The following CNTN6 variants were observed in gnomAD, a reference collection of about 807,000 sequenced individuals.
CNTN6 encodes the protein contactin-6.
CNTN6 carries 137 observed loss-of-function variants against 122.8 expected under a neutral mutation model. The observed-to-expected ratio is 1.12, with a 90% CI of 0.97 to 1.29. CNTN6 has a LOEUF of 1.29. Among genes scored for constraint, CNTN6 ranks in the 50% most tolerant of loss-of-function variants. The probability of loss-of-function intolerance (pLI) is 0.00; values close to 1 mark genes in which losing one functional copy is unlikely to be tolerated. For synonymous variants in CNTN6, 570 were observed against 426.0 expected, an observed-to-expected ratio of 1.34 and a Z score of -4.16; for missense variants, 1,634 against 1,223.4, an observed-to-expected ratio of 1.34 and a Z score of -5.01.
At chr3:1,230,625 T>C (rs1008500648) in intron 4 of CNTN6, among the ~76,000 whole-genome samples, 1 of 152,210 alleles carries the variant, frequency 6.6e-6, no homozygotes, top group Non-Finnish European at 1.5e-5. Context: ...GGACAACAGC[T>C]GTAGGAGGCA....
At chr3:1,268,404 G>A (rs994127321) in intron 4 of CNTN6, among the ~76,000 whole-genome samples, 7 of 152,074 alleles carry the variant, frequency 4.6e-5, no homozygotes, top group African/African-American at 7.2e-5. Flanking sequence ...TCAGGAGATC[G>A]AGACCATCCT....
intron 4 of CNTN6, among the ~76,000 whole-genome samples, chr3:1,268,985 G>T (rs918165474): frequency 3.9e-5 from 6 of 152,014 alleles, no homozygotes; most frequent in African/African-American, 1.4e-4. Context: ...TGTCTCAAAA[G>T]TTATAAAATA....
intron 5 of CNTN6, among the ~76,000 whole-genome samples, chr3:1,278,766 T>A (rs1483002665): frequency 6.6e-6 from 1 of 152,210 alleles, no homozygotes; most frequent in Non-Finnish European, 1.5e-5. Context: ...CCAGGGCTTT[T>A]TAGAGAAACT....
chr3:1,403,499 G>T lies in CNTN6; in HGVS notation c.*81G>T. 1.2e-6 allele frequency: 1 copy of T among 804,340 alleles called. No homozygotes were observed. The highest frequency in any genetic ancestry group is 2.0e-6 in the Non-Finnish European group (1 of 490,264). 49.8% of individuals were successfully genotyped at this position (804,340 alleles called of 1,614,324 possible). ...TGCTCTCCAGCCTCTGACACAAGATGCGTTCTTAATACAGACTTGTTTGCA... is the reference window on the plus strand; with the variant it reads ...TGCTCTCCAGCCTCTGACACAAGATTCGTTCTTAATACAGACTTGTTTGCA... On this transcript the variant is annotated 3_prime_UTR_variant, in exon 23 of 23. Transcript: ENST00000446702.
intron 4 of CNTN6, among the ~76,000 whole-genome samples, chr3:1,261,308 T>A (rs2094842907): frequency 6.6e-6 from 1 of 152,110 alleles, no homozygotes; most frequent in African/African-American, 2.4e-5. Context: ...AGTAGGTAAA[T>A]AGATAGCAAA....
At position 1,391,878 on chromosome 3, in the gene CNTN6, G is replaced by A. The variant is rs373716569; in HGVS notation, c.2704+6081G>A. ...GTGAAGGACCTCTTCAAGGAGAACT[G>A]CAAACCACTGCTCAATGAGATAAAA... On this transcript the variant is annotated intron_variant, in intron 20 of 22. Transcript: ENST00000446702. 1.1e-3 allele frequency among the ~76,000 whole-genome samples: 160 copies of A among 145,756 alleles called. 1 individual carries two copies. Among genetic ancestry groups the A allele is most frequent in the African/African-American group, 3.1e-3 (126 of 40,984 alleles).
chr3:1,149,890 A>C (rs886485596), intron 2 of CNTN6, among the ~76,000 whole-genome samples: 1 of 152,190 alleles, frequency 6.6e-6, no homozygotes, highest in African/African-American at 2.4e-5. Context: ...AAAATGAATT[A>C]TTAGTCTCAG....
chr3:1,330,751 A>G (rs901630547), intron 11 of CNTN6, among the ~76,000 whole-genome samples: 3 of 151,906 alleles, frequency 2.0e-5, no homozygotes, highest in Non-Finnish European at 4.4e-5. Context: ...CAGGATGGGC[A>G]GGTAAAAGGC....
chr3:1,115,214 C>T (rs1015531587), intron 1 of CNTN6, among the ~76,000 whole-genome samples: 1 of 152,022 alleles, frequency 6.6e-6, no homozygotes, highest in African/African-American at 2.4e-5. Flanking sequence ...CAGTAAAAAC[C>T]AGAGTTAGCC....
intron 7 of CNTN6, among the ~76,000 whole-genome samples, chr3:1,316,125 A>C (rs1008347230): frequency 5.3e-5 from 8 of 151,996 alleles, no homozygotes; most frequent in Admixed American, 2.6e-4. Context: ...AGCATGTGAC[A>C]TGAATTATCT....
chr3:1,244,677 CT>C (rs1241419187), intron 4 of CNTN6, among the ~76,000 whole-genome samples: 1 of 152,112 alleles, frequency 6.6e-6, no homozygotes, highest in Non-Finnish European at 1.5e-5. Context: ...AGCAATAAAG[CT>C]GTTTATTTCA....
chr3:1,203,776 T>G (rs539794514), intron 2 of CNTN6, among the ~76,000 whole-genome samples: 1 of 152,336 alleles, frequency 6.6e-6, no homozygotes. Flanking sequence ...TTCTCATCAG[T>G]TATTTGCAGT....
At chr3:1,178,088 G>T (rs1575132982) in intron 2 of CNTN6, among the ~76,000 whole-genome samples, 1 of 151,506 alleles carries the variant, frequency 6.6e-6, no homozygotes, top group Non-Finnish European at 1.5e-5. Flanking sequence ...TTTAGTAGAG[G>T]CAGGGTTTCA....
chr3:1,311,897 C>A (rs983376629), intron 7 of CNTN6, among the ~76,000 whole-genome samples: 5 of 151,880 alleles, frequency 3.3e-5, no homozygotes, highest in Non-Finnish European at 7.4e-5. Context: ...ATATTTATAG[C>A]CAATCTCCTA....
At position 1,403,395 on chromosome 3, in the gene CNTN6, T is replaced by G; in HGVS notation, c.3064T>G (p.Phe1022Val). 3 of 1,609,996 alleles carry G rather than the reference T, an allele frequency of 1.9e-6. No individual in the cohort carries two copies. Among genetic ancestry groups the G allele is most frequent in the Non-Finnish European group, 2.5e-6 (3 of 1,177,250 alleles). ...LSIVIVIFHC[F>V]AIQPLI Reference sequence around the variant, plus strand: ...CATTGTCATTGTGATTTTTCACTGTTTTGCTATTCAGCCACTTATCTGATG... The same window carrying G: ...CATTGTCATTGTGATTTTTCACTGTGTTGCTATTCAGCCACTTATCTGATG... Residue 1022 changes from phenylalanine to valine, a missense_variant, in exon 23 of 23, where the codon TTT becomes GTT. By Grantham distance (50) the Phe-to-Val change is conservative. Coordinates refer to ENST00000446702, the MANE Select transcript of CNTN6 (RefSeq NM_001289080.2).
chr3:1,388,474 A>G (rs555094509), intron 20 of CNTN6, among the ~76,000 whole-genome samples: 119 of 151,826 alleles, frequency 7.8e-4, no homozygotes, highest in Non-Finnish European at 1.4e-3. Flanking sequence ...AAAACAGAAC[A>G]GAAAAACTGG....
intron 20 of CNTN6, among the ~76,000 whole-genome samples, chr3:1,394,610 G>C (rs1694754901): frequency 1.3e-5 from 2 of 152,134 alleles, no homozygotes; most frequent in African/African-American, 4.8e-5. Flanking sequence ...GAACATCTCA[G>C]TAATAATTTT....
intron 7 of CNTN6, among the ~76,000 whole-genome samples, chr3:1,319,864 A>AAAAT (rs1339855428): frequency 2.7e-5 from 4 of 150,850 alleles, no homozygotes; most frequent in African/African-American, 9.7e-5. Context: ...AAAATAAAAT[A>AAAAT]AAATAAAATA....
chr3:1,148,745 C>T (rs1201019614), intron 2 of CNTN6, among the ~76,000 whole-genome samples: 2 of 152,132 alleles, frequency 1.3e-5, no homozygotes, highest in Non-Finnish European at 2.9e-5. Flanking sequence ...GGGTTAACAA[C>T]TTACGATGGG....
Sources: gnomAD v4.1 joint callset for allele counts (sites outside exome capture counted in the v4.1 genomes callset) on GRCh38, gnomAD v4.1.1 for gene constraint, MANE v1.5 for transcripts, NCBI Gene and HGNC (gene_info 2026-07-23, HGNC 2026-07-21) for gene names.